The following SLIT1 variants were observed in gnomAD, a reference collection of about 807,000 sequenced individuals.
SLIT1 encodes slit guidance ligand 1, also known as slit homolog 1 protein.
Under a neutral mutation model 186.1 loss-of-function variants are expected in SLIT1, and 66 were observed. The ratio of observed to expected loss-of-function variants is 0.35; its 90% confidence interval spans 0.29 to 0.44. The LOEUF (loss-of-function observed/expected upper bound fraction) is 0.44. Ranked by LOEUF, SLIT1 falls within the 20% of genes least tolerant of loss-of-function variation. SLIT1 has a pLI of 1.00. For synonymous variants in SLIT1, 761 were observed against 833.8 expected, an observed-to-expected ratio of 0.91 and a Z score of 1.50; for missense variants, 1,638 against 2,037.4, an observed-to-expected ratio of 0.80 and a Z score of 3.77.
intron 4 of SLIT1, among the ~76,000 whole-genome samples, 177 bp from the exon 5 acceptor site, chr10:97,066,263 T>TTGAA (rs35819974): frequency 0.028 from 4,249 of 152,174 alleles, 94 homozygotes; most frequent in South Asian, 0.1. Flanking sequence ...CAAGCATTTG[T>TTGAA]TGAATGAATG....
At chr10:97,056,649 C>T (rs2306952) in intron 12 of SLIT1, among the ~76,000 whole-genome samples, 185 bp from the exon 13 acceptor site, 56,017 of 152,168 alleles carry the variant, frequency 0.37, 11,463 homozygotes, top group African/African-American at 0.54. Flanking sequence ...CCGACTGCCT[C>T]CTCCATGCAT....
chr10:97,061,546 A>C (rs746457340), intron 8 of SLIT1, among the ~76,000 whole-genome samples: 16 of 152,376 alleles, frequency 1.1e-4, no homozygotes, highest in Non-Finnish European at 1.9e-4. Context: ...CATAAATGAA[A>C]CAGTAGTTTC....
At chr10:97,009,759 A>C (rs746192720) in intron 31 of SLIT1, among the ~76,000 whole-genome samples, 1 of 152,258 alleles carries the variant, frequency 6.6e-6, no homozygotes, top group Non-Finnish European at 1.5e-5. Flanking sequence ...TAGAATATAT[A>C]AAAAGCCTTT....
intron 1 of SLIT1, among the ~76,000 whole-genome samples, chr10:97,172,539 C>T (rs1850204055): frequency 6.6e-6 from 1 of 152,176 alleles, no homozygotes; most frequent in South Asian, 2.1e-4. Context: ...TTAAAATTGA[C>T]AGTTTAAATA....
chr10:97,067,720 C>G lies in SLIT1; in HGVS notation c.414-1634G>C, dbSNP rs530713171. ...TGGACCCGGGCTCCCTGCCCCAGAG[C>G]CTTGCCCCAGACACACCGGGGTCCT... On this transcript the variant is annotated intron_variant, in intron 4 of 36. Transcript: ENST00000266058. Among the ~76,000 whole-genome samples, 284 of 152,298 alleles carry G rather than the reference C, an allele frequency of 1.9e-3. 1 individual carries two copies. The highest frequency in any genetic ancestry group is 0.01 in the Middle Eastern group (3 of 294).
intron 20 of SLIT1, among the ~76,000 whole-genome samples, chr10:97,041,346 G>T (rs1848688719): frequency 6.6e-6 from 1 of 151,502 alleles, no homozygotes; most frequent in Non-Finnish European, 1.5e-5. Context: ...GGCCCTGCAA[G>T]ATCCTCTGTG....
intron 31 of SLIT1, among the ~76,000 whole-genome samples, chr10:97,007,024 G>A (rs1848365292): frequency 6.6e-6 from 1 of 152,132 alleles, no homozygotes; most frequent in Admixed American, 6.6e-5. Context: ...ACTCTGCAAG[G>A]CAGATTTTAC....
At chr10:97,088,790 C>T (rs1205761030) in intron 4 of SLIT1, among the ~76,000 whole-genome samples, 2 of 152,144 alleles carry the variant, frequency 1.3e-5, no homozygotes, top group East Asian at 1.9e-4. Context: ...GTGACAGGAT[C>T]GCAGGGGCCC....
rs1158269238 is a variant in SLIT1, at chr10:97,184,344, C to A, written c.197+1134G>T. Reference sequence around the variant, plus strand: ...GAGGAGTAGGTAGGTTTCAAAGGAGCCAGCAGCCTTCTCCAAAGCCCTGTT... The same window carrying A: ...GAGGAGTAGGTAGGTTTCAAAGGAGACAGCAGCCTTCTCCAAAGCCCTGTT... On this transcript the variant is annotated intron_variant, in intron 1 of 36. Coordinates refer to ENST00000266058, the MANE Select transcript of SLIT1 (RefSeq NM_003061.3). The surrounding 1 kb of genome is among the most constrained non-coding windows in gnomAD (Gnocchi z 4.4). 6.6e-6 allele frequency among the ~76,000 whole-genome samples: 1 copy of A among 152,084 alleles called. No homozygotes were observed. Among genetic ancestry groups the A allele is most frequent in the Non-Finnish European group, 1.5e-5 (1 of 68,012 alleles).
chr10:97,157,281 G>A (rs1260229650), intron 4 of SLIT1: 2 of 152,384 alleles, frequency 1.3e-5, no homozygotes, highest in Non-Finnish European at 2.9e-5. Flanking sequence ...GCAAATCATG[G>A]TGCAGCAGAA....
intron 22 of SLIT1, among the ~76,000 whole-genome samples, chr10:97,035,799 G>T (rs1848633496): frequency 6.6e-6 from 1 of 152,018 alleles, no homozygotes; most frequent in African/African-American, 2.4e-5. Context: ...GACTTCCCAG[G>T]CTTAGGATTC....
chr10:97,078,381 G>T (rs1371224836), intron 4 of SLIT1, among the ~76,000 whole-genome samples: 1 of 152,122 alleles, frequency 6.6e-6, no homozygotes, highest in Admixed American at 6.5e-5. Flanking sequence ...CACCACCAGA[G>T]TTAATGTTGC....
intron 1 of SLIT1, among the ~76,000 whole-genome samples, chr10:97,167,696 A>G (rs750332279): frequency 3.4e-4 from 51 of 152,132 alleles, no homozygotes; most frequent in Non-Finnish European, 8.8e-5. Context: ...TCTCATCTTG[A>G]ATTGTAGTTC....
At chr10:97,088,635 A>C (rs1849194156) in intron 4 of SLIT1, among the ~76,000 whole-genome samples, 1 of 152,172 alleles carries the variant, frequency 6.6e-6, no homozygotes, top group African/African-American at 2.4e-5. Flanking sequence ...CTAAATTTAG[A>C]CAGTTGAGCA....
chr10:97,060,783 C>T lies in SLIT1; in HGVS notation c.798G>A (p.Gln266=). Reference sequence around the variant, plus strand: ...AGGTGGGCACGCGCCCCGCTTCTCCCTGGCCTGCAGAAACAGGGGGGTGTG... The same window carrying T: ...AGGTGGGCACGCGCCCCGCTTCTCCTTGGCCTGCAGAAACAGGGGGGTGTG... ...VQKSEFSCSG[Q]GEAGRVPTCT... is the part of the protein sequence containing the mutation. Residue 266 remains glutamine (Q), a synonymous_variant, in exon 9 of 37, where the codon CAG becomes CAA. Transcript: ENST00000266058. 1 of 1,597,184 alleles carries T rather than the reference C, an allele frequency of 6.3e-7. No homozygotes were observed. The highest frequency in any genetic ancestry group is 2.2e-5 in the East Asian group (1 of 44,676).
At chr10:97,069,043 A>G (rs1848978599) in intron 4 of SLIT1, among the ~76,000 whole-genome samples, 1 of 152,100 alleles carries the variant, frequency 6.6e-6, no homozygotes, top group Admixed American at 6.5e-5. Flanking sequence ...TGCCTGCCCT[A>G]ATGGCTTGAT....
chr10:97,147,844 A>G (rs958221243), intron 4 of SLIT1, among the ~76,000 whole-genome samples: 4 of 152,162 alleles, frequency 2.6e-5, no homozygotes, highest in African/African-American at 9.7e-5. Context: ...CTCACAGGGA[A>G]CTGCATTCCC....
rs551521743 is a variant in SLIT1, at chr10:97,047,759, T to C, written c.1565A>G (p.Asn522Ser). Residue 522 changes from asparagine to serine, a missense_variant, in exon 16 of 37, where the codon AAC (asparagine) becomes AGC (serine). Coordinates refer to ENST00000266058, the MANE Select transcript of SLIT1 (RefSeq NM_003061.3). ...CTTCAGGCTGGAGCACTCCACCACG[T>C]TGGCCTCACAGCGGCACTTGTGGGG... ...VCPHKCRCEA[N>S]VVECSSLKLT... 202 of 1,613,972 alleles carry C rather than the reference T, an allele frequency of 1.3e-4. No individual in the cohort carries two copies. The highest frequency in any genetic ancestry group is 1.7e-4 in the Non-Finnish European group (197 of 1,180,032).
At chr10:97,056,961 C>G (rs11188999) in intron 12 of SLIT1, among the ~76,000 whole-genome samples, 20,972 of 152,232 alleles carry the variant, frequency 0.14, 1,866 homozygotes, top group Non-Finnish European at 0.21. Context: ...CTCAGGAGCA[C>G]GGGCCGAGTC....
Sources: gnomAD v4.1 joint callset for allele counts (sites outside exome capture counted in the v4.1 genomes callset) on GRCh38, gnomAD v4.1.1 for gene constraint, Gnocchi (gnomAD v3.1) non-coding constraint, MANE v1.5 for transcripts, NCBI Gene and HGNC (gene_info 2026-07-23, HGNC 2026-07-21) for gene names.